MGARP: variants seen among roughly 807,000 people sequenced by gnomAD.
The protein encoded by MGARP is mitochondria localized glutamic acid rich protein, also known as protein MGARP.
MGARP carries 12 observed loss-of-function variants against 11.0 expected under a neutral mutation model. That is an observed-to-expected ratio of 1.09 (90% CI 0.70 to 1.77). The LOEUF is 1.77. Among genes scored for constraint, MGARP ranks in the 40% most tolerant of loss-of-function variants. The pLI is 0.00. For synonymous variants in MGARP, 110 were observed against 115.4 expected, an observed-to-expected ratio of 0.95 and a Z score of 0.30; for missense variants, 283 against 297.8, an observed-to-expected ratio of 0.95 and a Z score of 0.36.
chr4:139,272,686 CTTTT>C (rs774228171), intron 2 of MGARP, among the ~76,000 whole-genome samples: 1 of 111,232 alleles, frequency 9.0e-6, no homozygotes. Context: ...ATTCATATTT[CTTTT>C]TTTTTTTTTT....
At chr4:139,273,510 CTTTTTTTTTTTTT>C (rs1000327890) in intron 2 of MGARP, among the ~76,000 whole-genome samples, 1 of 123,644 alleles carries the variant, frequency 8.1e-6, no homozygotes, top group African/African-American at 2.9e-5. Context: ...TACTTTTATT[CTTTTTTTTTTTTT>C]TTTTTTTTTG....
intron 1 of MGARP, among the ~76,000 whole-genome samples, chr4:139,277,922 T>C (rs1485051848): frequency 6.6e-6 from 1 of 152,186 alleles, no homozygotes; most frequent in East Asian, 1.9e-4. Flanking sequence ...AAATTATTTA[T>C]TCATTAAAAA....
At position 139,266,952 on chromosome 4, in the gene MGARP, C is replaced by A. The variant is rs979932451; in HGVS notation, c.370G>T (p.Glu124Ter). 1.2e-6 allele frequency: 2 copies of A among 1,614,216 alleles called. No homozygotes were observed. The highest frequency in any genetic ancestry group is 1.7e-6 in the Non-Finnish European group (2 of 1,180,030). ...IVEAEVVDAE[E>*]SPSATVVVIK... ...ACCACAACTGTAGCACTGGGACTTT[C>A]TTCAGCATCTACCACCTCAGCTTCC... The change falls in exon 4 of 4, where the codon GAA becomes TAA. Residue 124 changes from glutamate to a stop codon, truncating the protein, a stop_gained. Transcript: ENST00000398955. LOFTEE classifies it low-confidence loss of function (END_TRUNC).
In MGARP at chr4:139,266,915, G is replaced by A; in HGVS notation, c.407C>T (p.Ala136Val). The A allele has an allele frequency of 6.2e-7, 1 of 1,614,168 alleles. No individual in the cohort carries two copies. The highest frequency in any genetic ancestry group is 8.5e-7 in the Non-Finnish European group (1 of 1,180,030). Residue 136 changes from alanine (A) to valine (V), a missense_variant, in exon 4 of 4, where the codon GCA (alanine) becomes GTA (valine). Transcript: ENST00000398955. Reference protein sequence around the residue: ...PSATVVVIKEASACPGHVEAA... With the variant: ...PSATVVVIKEVSACPGHVEAA... ...CTCCACGTGACCTGGACAGGCAGAT[G>A]CCTCTTTTATGACCACAACTGTAGC...
intron 1 of MGARP, 95 bp from the exon 2 acceptor site, chr4:139,275,487 C>T (rs1002555266): frequency 1.1e-6 from 1 of 896,476 alleles, no homozygotes; most frequent in African/African-American, 1.7e-5. Context: ...CTCAGTGAAC[C>T]TAGAATCTAT....
chr4:139,274,155 T>C (rs759489946), intron 2 of MGARP, among the ~76,000 whole-genome samples: 3 of 152,112 alleles, frequency 2.0e-5, no homozygotes, highest in East Asian at 3.9e-4. Flanking sequence ...AATGAGTAGG[T>C]GGAGTAGAGG....
At chr4:139,279,956 T>G in intron 1 of MGARP, 121 bp downstream of exon 1, 1 of 1,011,904 alleles carries the variant, frequency 9.9e-7, no homozygotes, top group Non-Finnish European at 1.5e-6. Context: ...CGACCTCCAA[T>G]CCAGGCTTCT....
Position 139,280,160 on chromosome 4 carries a change from G to T in MGARP, c.-2C>A. On this transcript the variant is annotated 5_prime_UTR_variant, in exon 1 of 4. Coordinates refer to ENST00000398955, the MANE Select transcript of MGARP (RefSeq NM_032623.4). ...GGAGACCGCCCTGCGGAGATACATCGCGCCCGCTGTCCGCCGCGCAGCAGC... is the reference window on the plus strand; with the variant it reads ...GGAGACCGCCCTGCGGAGATACATCTCGCCCGCTGTCCGCCGCGCAGCAGC... 1.2e-6 allele frequency: 2 copies of T among 1,606,764 alleles called. No individual in the cohort carries two copies. The highest frequency in any genetic ancestry group is 1.7e-6 in the Non-Finnish European group (2 of 1,177,808).
chr4:139,271,889 T>C (rs1342137400), intron 2 of MGARP, among the ~76,000 whole-genome samples: 2 of 152,210 alleles, frequency 1.3e-5, no homozygotes, highest in East Asian at 3.8e-4. Flanking sequence ...GGTTTATAAA[T>C]GTATAACCTT....
chr4:139,274,915 C>T (rs1481156454), intron 2 of MGARP, among the ~76,000 whole-genome samples: 1 of 152,172 alleles, frequency 6.6e-6, no homozygotes, highest in Admixed American at 6.5e-5. Flanking sequence ...CAAGTATCAG[C>T]TATCACTATT....
chr4:139,277,955 C>T (rs1843943), intron 1 of MGARP, among the ~76,000 whole-genome samples: 38,741 of 151,994 alleles, frequency 0.25, 5,115 homozygotes, highest in African/African-American at 0.32. Flanking sequence ...AGGCTGGGCT[C>T]GGTGGCTCAC....
chr4:139,271,841 T>A (rs935115907), intron 2 of MGARP, among the ~76,000 whole-genome samples: 1 of 152,178 alleles, frequency 6.6e-6, no homozygotes, highest in African/African-American at 2.4e-5. Context: ...ATCCCTACTG[T>A]GAGAGAACAA....
chr4:139,280,019 G>A, intron 1 of MGARP, 58 bp downstream of exon 1: 1 of 1,583,612 alleles, frequency 6.3e-7, no homozygotes, highest in South Asian at 1.1e-5. Flanking sequence ...CCCTGGCGCG[G>A]GCGAAATCTG....
intron 2 of MGARP, among the ~76,000 whole-genome samples, chr4:139,273,593 C>T (rs748753037): frequency 2.0e-5 from 3 of 149,506 alleles, no homozygotes; most frequent in Non-Finnish European, 3.0e-5. Context: ...CAGCTCACTG[C>T]GACCTCCACC....
chr4:139,271,619 C>T (rs1744782478), intron 2 of MGARP, among the ~76,000 whole-genome samples: 1 of 152,120 alleles, frequency 6.6e-6, no homozygotes, highest in Admixed American at 6.6e-5. Context: ...CTTTTGGCTA[C>T]TAAGCATCTG....
In MGARP at chr4:139,276,520, G is replaced by T. The variant is rs372300110; in HGVS notation, c.83-1128C>A. Among the ~76,000 whole-genome samples, 150 of 152,248 alleles carry T rather than the reference G, an allele frequency of 9.9e-4. No individual in the cohort carries two copies. The South Asian group carries it at 0.027, about 27-fold the overall frequency. ...AAAAGCATGAGAGATTCGTGACCCA[G>T]AAGGTACAAAGTACAGGATGAATAT... On this transcript the variant is annotated intron_variant, in intron 1 of 3. Coordinates refer to ENST00000398955, the MANE Select transcript of MGARP (RefSeq NM_032623.4).
chr4:139,270,053 G>A (rs1011150819), intron 2 of MGARP, among the ~76,000 whole-genome samples: 1 of 152,154 alleles, frequency 6.6e-6, no homozygotes, highest in African/African-American at 2.4e-5. Context: ...TGTAATCCCA[G>A]CACTTTGGGA....
intron 2 of MGARP, among the ~76,000 whole-genome samples, chr4:139,271,398 C>T (rs984899166): frequency 1.5e-4 from 23 of 152,000 alleles, no homozygotes; most frequent in African/African-American, 4.3e-4. Context: ...TGGTGGCAGG[C>T]GCCTGTAATC....
In MGARP at chr4:139,280,105, G is replaced by C. The variant is rs28536098; in HGVS notation, c.54C>G (p.Pro18=). 1 of 1,612,082 alleles carries C rather than the reference G, an allele frequency of 6.2e-7. No individual in the cohort carries two copies. Among genetic ancestry groups the C allele is most frequent in the Non-Finnish European group, 8.5e-7 (1 of 1,179,716 alleles). Residue 18 remains proline, a synonymous_variant, in exon 1 of 4, where the codon CCC becomes CCG. Coordinates refer to ENST00000398955, the MANE Select transcript of MGARP (RefSeq NM_032623.4). The part of the protein sequence containing the change: ...SKTLALPLRA[P]PNPAPLGKDA... Reference sequence around the variant, plus strand: ...CCTTTCCGAGCGGCGCGGGGTTGGGGGGCGCCCTCAGCGGCAGCGCCAGAG... The same window carrying C: ...CCTTTCCGAGCGGCGCGGGGTTGGGCGGCGCCCTCAGCGGCAGCGCCAGAG...
Sources: gnomAD v4.1 joint callset for allele counts (sites outside exome capture counted in the v4.1 genomes callset) on GRCh38, gnomAD v4.1.1 for gene constraint, MANE v1.5 for transcripts, NCBI Gene and HGNC (gene_info 2026-07-23, HGNC 2026-07-21) for gene names.